The following TVP23A variants were observed in gnomAD, a reference collection of about 807,000 sequenced individuals.
The protein encoded by TVP23A is Golgi apparatus membrane protein TVP23 homolog A.
In TVP23A, 21 loss-of-function variants were observed where a neutral mutation model predicts 31.7. The ratio of observed to expected loss-of-function variants is 0.66; its 90% confidence interval spans 0.47 to 0.95. TVP23A has a LOEUF of 0.95. TVP23A is among the 40% of genes least tolerant of loss of function. TVP23A has a pLI of 0.00. For missense variants in TVP23A, 279 were observed against 255.6 expected (o/e 1.09, Z -0.62); for synonymous variants, 104 against 96.0 (o/e 1.08, Z -0.49).
intron 2 of TVP23A, among the ~76,000 whole-genome samples, chr16:10,800,701 CA>C: frequency 1.3e-5 from 2 of 152,248 alleles, no homozygotes; most frequent in South Asian, 4.1e-4. Context: ...TTTGGCCAGG[CA>C]AAAATCACAG....
At chr16:10,796,403 C>CT (rs1267844280) in intron 2 of TVP23A, among the ~76,000 whole-genome samples, 1 of 151,642 alleles carries the variant, frequency 6.6e-6, no homozygotes, top group African/African-American at 2.4e-5. Flanking sequence ...GGTGAGAAGC[C>CT]TATGTAGTAA....
chr16:10,795,811 T>C (rs940530385), intron 2 of TVP23A, among the ~76,000 whole-genome samples: 1 of 152,144 alleles, frequency 6.6e-6, no homozygotes, highest in African/African-American at 2.4e-5. Context: ...GATGGAGGAC[T>C]GAGCACCAAC....
At chr16:10,797,434 C>A (rs1236139170) in intron 2 of TVP23A, among the ~76,000 whole-genome samples, 4 of 151,752 alleles carry the variant, frequency 2.6e-5, no homozygotes, top group Non-Finnish European at 5.9e-5. Flanking sequence ...TGCCTGTAAT[C>A]CCAGCTACTC....
intron 2 of TVP23A, among the ~76,000 whole-genome samples, chr16:10,809,196 C>T (rs142388488): frequency 9.8e-4 from 149 of 152,342 alleles, no homozygotes; most frequent in African/African-American, 3.4e-3. Context: ...CCTTATAATA[C>T]AGCCAACATC....
chr16:10,816,180 T>C (rs77760572), intron 2 of TVP23A, among the ~76,000 whole-genome samples: 2,311 of 147,620 alleles, frequency 0.016, 61 homozygotes, highest in South Asian at 0.11. Context: ...TGAGCCATAA[T>C]TGTACTACTG....
At chr16:10,792,937 AC>A (rs2033183993) in intron 2 of TVP23A, among the ~76,000 whole-genome samples, 1 of 152,158 alleles carries the variant, frequency 6.6e-6, no homozygotes, top group South Asian at 2.1e-4. Context: ...AAAAGAACAA[AC>A]TTCCCTCTGG....
chr16:10,776,845 G>A (rs76251250), intron 2 of TVP23A, among the ~76,000 whole-genome samples: 1 of 152,096 alleles, frequency 6.6e-6, no homozygotes, highest in Admixed American at 6.6e-5. Flanking sequence ...ACTTCCAGAC[G>A]TTGCCATGAC....
intron 7 of TVP23A, 183 bp from the exon 8 acceptor site, chr16:10,769,284 T>C: frequency 1.7e-6 from 1 of 580,286 alleles, no homozygotes; most frequent in South Asian, 2.2e-5. Context: ...TACACTTTTC[T>C]TTAGAACATA....
chr16:10,789,059 A>T (rs1324513619), intron 2 of TVP23A, among the ~76,000 whole-genome samples: 3 of 152,128 alleles, frequency 2.0e-5, no homozygotes, highest in Non-Finnish European at 4.4e-5. Context: ...CGAACTCCTG[A>T]CCTTGTGATC....
At chr16:10,810,153 T>C (rs972499226) in intron 2 of TVP23A, among the ~76,000 whole-genome samples, 2 of 151,886 alleles carry the variant, frequency 1.3e-5, no homozygotes, top group Non-Finnish European at 2.9e-5. Context: ...GTACAAAACA[T>C]GTGTCACCTA....
At chr16:10,759,835 G>A (rs1480788299), downstream of TVP23A, among the ~76,000 whole-genome samples, 2 of 152,146 alleles carry the variant, frequency 1.3e-5, no homozygotes, top group East Asian at 1.9e-4. This position sits in a 1 kb window ranked among gnomAD's most constrained non-coding sequence, Gnocchi z 4.7. Context: ...CTAGCTGAGC[G>A]CCCCTTCCTC....
chr16:10,792,734 G>T (rs1265726739), intron 2 of TVP23A, among the ~76,000 whole-genome samples: 3 of 152,232 alleles, frequency 2.0e-5, no homozygotes, highest in Non-Finnish European at 4.4e-5. Context: ...TGACCTAGAT[G>T]CAATGTTAGC....
At chr16:10,793,744 A>G (rs2033229981) in intron 2 of TVP23A, among the ~76,000 whole-genome samples, 1 of 151,564 alleles carries the variant, frequency 6.6e-6, no homozygotes, top group Non-Finnish European at 1.5e-5. Context: ...AATAAAAAAA[A>G]TAAACCTAGC....
At chr16:10,789,624 T>C (rs1366062041) in intron 2 of TVP23A, among the ~76,000 whole-genome samples, 1 of 138,670 alleles carries the variant, frequency 7.2e-6, no homozygotes, top group Non-Finnish European at 1.5e-5. Context: ...AGGTCAGGAG[T>C]TCAAGACCAG....
intron 2 of TVP23A, among the ~76,000 whole-genome samples, chr16:10,812,353 T>A (rs2034244704): frequency 6.6e-6 from 1 of 152,204 alleles, no homozygotes; most frequent in African/African-American, 2.4e-5. Context: ...GTATGGTAGT[T>A]CCTCAAAAAA....
At position 10,787,033 on chromosome 16, in the gene TVP23A, T is replaced by C. The variant is rs77753536; in HGVS notation, c.90-11937A>G. 6.1e-3 allele frequency among the ~76,000 whole-genome samples: 929 copies of C among 152,216 alleles called. 4 individuals are homozygous for C. The highest frequency in any genetic ancestry group is 0.017 in the Middle Eastern group (5 of 294). ...ATTCCAGAAAGCAGGTCCTTTCTTC[T>C]GGGCTTACCAGTTCCTCTACAAAAA... On this transcript the variant is annotated intron_variant, in intron 2 of 7. Transcript: ENST00000299866.
intron 2 of TVP23A, among the ~76,000 whole-genome samples, chr16:10,786,484 C>T (rs1013485265): frequency 6.6e-6 from 1 of 151,884 alleles, no homozygotes; most frequent in Non-Finnish European, 1.5e-5. Flanking sequence ...TTTTTTTAAG[C>T]CCATCTCCAA....
rs1596581750 is a variant in TVP23A, at chr16:10,812,037, G to A, written c.89+6066C>T. On this transcript the variant is annotated intron_variant, in intron 2 of 7. Coordinates refer to ENST00000299866, the MANE Select transcript of TVP23A (RefSeq NM_001079512.4). ...GAATAAGAGAAAATATTAATATACA[G>A]AATAAAGACCTCAACAACAAAAATC... Among the ~76,000 whole-genome samples, 3 of 149,520 alleles carry A rather than the reference G, an allele frequency of 2.0e-5. No individual in the cohort carries two copies. The East Asian group carries it at 5.9e-4, about 29-fold the overall frequency.
At chr16:10,803,242 C>A (rs1271529667) in intron 2 of TVP23A, among the ~76,000 whole-genome samples, 1 of 100,702 alleles carries the variant, frequency 9.9e-6, no homozygotes, top group African/African-American at 6.4e-5. Flanking sequence ...CGAGATCGCG[C>A]CACTGTGTGT....
Sources: allele counts gnomAD v4.1 joint callset (sites outside exome capture counted in the v4.1 genomes callset), GRCh38; gene constraint gnomAD v4.1.1; non-coding constraint Gnocchi (gnomAD v3.1); transcripts MANE v1.5; gene names NCBI Gene and HGNC (gene_info 2026-07-23, HGNC 2026-07-21).